The following GRB2 variants were observed in gnomAD, a reference collection of about 807,000 sequenced individuals.
The protein encoded by GRB2 is growth factor receptor-bound protein 2.
In GRB2, 2 loss-of-function variants were observed where a neutral mutation model predicts 27.4. That is an observed-to-expected ratio of 0.07 (90% CI 0.03 to 0.23). GRB2 has a LOEUF of 0.23. Ranked by LOEUF, GRB2 falls within the 10% of genes least tolerant of loss-of-function variation. The probability of loss-of-function intolerance (pLI) is 1.00; values close to 1 mark genes in which losing one functional copy is unlikely to be tolerated. For missense variants in GRB2, 102 were observed against 282.4 expected (o/e 0.36, Z 4.58); for synonymous variants, 94 against 99.6 (o/e 0.94, Z 0.33).
intron 2 of GRB2, among the ~76,000 whole-genome samples, chr17:75,361,656 G>T (rs1375390400): frequency 1.3e-5 from 2 of 152,130 alleles, no homozygotes; most frequent in East Asian, 3.8e-4. Context: ...ATTATGGAGT[G>T]GGGAGACGGT....
intron 4 of GRB2, among the ~76,000 whole-genome samples, chr17:75,324,029 C>G (rs2078478855): frequency 6.6e-6 from 1 of 151,528 alleles, no homozygotes. Flanking sequence ...TCAGGCTGGT[C>G]TCAAACTCCT....
intron 1 of GRB2, among the ~76,000 whole-genome samples, chr17:75,399,445 A>G (rs1364382111): frequency 7.6e-6 from 1 of 131,416 alleles, no homozygotes; most frequent in African/African-American, 3.0e-5. Flanking sequence ...TTGGCTCACC[A>G]CAACCTCTGT....
chr17:75,364,853 A>G (rs2078809368), intron 2 of GRB2, among the ~76,000 whole-genome samples: 1 of 151,872 alleles, frequency 6.6e-6, no homozygotes, highest in African/African-American at 2.4e-5. Context: ...AAACCCAGCC[A>G]AGCAGAAAAA....
At chr17:75,403,718 C>T (rs1165727889) in intron 1 of GRB2, among the ~76,000 whole-genome samples, 1 of 151,132 alleles carries the variant, frequency 6.6e-6, no homozygotes, top group East Asian at 1.9e-4. Context: ...GAGCCGAGAT[C>T]GCACCACTGC....
chr17:75,373,736 ACAGTACC>A (rs1223001186), intron 2 of GRB2: 1 of 151,468 alleles, frequency 6.6e-6, no homozygotes, highest in Non-Finnish European at 1.5e-5. Flanking sequence ...AGCACTAAAC[ACAGTACC>A]CTTTGCTTAG....
intron 3 of GRB2, among the ~76,000 whole-genome samples, chr17:75,326,816 C>T (rs1176408208): frequency 1.3e-5 from 2 of 152,166 alleles, no homozygotes; most frequent in African/African-American, 4.8e-5. Flanking sequence ...AGGAGAGGAA[C>T]ACTTCTACAA....
intron 2 of GRB2, among the ~76,000 whole-genome samples, chr17:75,367,809 C>T (rs1031348005): frequency 2.6e-5 from 4 of 152,152 alleles, no homozygotes; most frequent in African/African-American, 9.7e-5. Flanking sequence ...AATCCTCTGG[C>T]TAAACAGAAT....
intron 2 of GRB2, chr17:75,370,851 G>C (rs958900734): frequency 1.3e-5 from 2 of 152,212 alleles, no homozygotes; most frequent in African/African-American, 4.8e-5. Context: ...AACAAATTCA[G>C]GTGGGAAAGC....
chr17:75,373,562 C>T (rs2078869911), intron 2 of GRB2: 1 of 152,182 alleles, frequency 6.6e-6, no homozygotes, highest in African/African-American at 2.4e-5. Flanking sequence ...TCTGCATGGA[C>T]AAAGCAGTCC....
At chr17:75,397,762 A>C (rs777537061) in intron 1 of GRB2, among the ~76,000 whole-genome samples, 1 of 152,184 alleles carries the variant, frequency 6.6e-6, no homozygotes, top group Non-Finnish European at 1.5e-5. Context: ...TAGACAACAT[A>C]TATAACATAC....
At chr17:75,381,646 G>A (rs895480616) in intron 2 of GRB2, among the ~76,000 whole-genome samples, 10 of 150,348 alleles carry the variant, frequency 6.7e-5, no homozygotes, top group Non-Finnish European at 1.5e-4. Context: ...GCTTGAACCC[G>A]GGAGGCAGAG....
intron 2 of GRB2, among the ~76,000 whole-genome samples, chr17:75,374,880 A>G (rs2145857853): frequency 6.6e-6 from 1 of 152,250 alleles, no homozygotes; most frequent in Non-Finnish European, 1.5e-5. Flanking sequence ...ATTCAGATTC[A>G]TGCATTTAAA....
intron 2 of GRB2, among the ~76,000 whole-genome samples, chr17:75,355,098 G>A (rs920211692): frequency 2.0e-5 from 3 of 152,166 alleles, no homozygotes; most frequent in Non-Finnish European, 2.9e-5. Flanking sequence ...GTGAGCCACC[G>A]CGCCTGGCCA....
intron 2 of GRB2, among the ~76,000 whole-genome samples, chr17:75,366,689 A>G (rs2078822191): frequency 6.6e-6 from 1 of 152,088 alleles, no homozygotes; most frequent in African/African-American, 2.4e-5. Flanking sequence ...GCATGCCTGT[A>G]GTTTCAGCTA....
At chr17:75,376,387 G>A (rs1322320952) in intron 2 of GRB2, among the ~76,000 whole-genome samples, 1 of 150,500 alleles carries the variant, frequency 6.6e-6, no homozygotes, top group Non-Finnish European at 1.5e-5. Context: ...CCGACCTGGT[G>A]GCATGCTCCT....
intron 1 of GRB2, among the ~76,000 whole-genome samples, chr17:75,401,435 G>A (rs2079063203): frequency 8.5e-6 from 1 of 117,842 alleles, no homozygotes; most frequent in African/African-American, 3.1e-5. Flanking sequence ...CTGGGCGACA[G>A]AGCGAGACTC....
chr17:75,344,855 A>ACC (rs1180788469), intron 2 of GRB2, among the ~76,000 whole-genome samples: 15 of 144,236 alleles, frequency 1.0e-4, no homozygotes, highest in South Asian at 9.3e-4. Context: ...CCCCCTCCCA[A>ACC]CCCCCCCGCC....
At chr17:75,363,654 T>TC (rs2078800050) in intron 2 of GRB2, among the ~76,000 whole-genome samples, 1 of 151,140 alleles carries the variant, frequency 6.6e-6, no homozygotes, top group East Asian at 1.9e-4. Flanking sequence ...AGTCAAGAGA[T>TC]CGAGACCATC....
intron 2 of GRB2, chr17:75,371,171 A>G (rs1193713599): frequency 1.3e-5 from 2 of 152,210 alleles, no homozygotes; most frequent in Non-Finnish European, 2.9e-5. Flanking sequence ...AAAATAAAAA[A>G]TAACACTGAT....
Sources: allele counts gnomAD v4.1 joint callset (sites outside exome capture counted in the v4.1 genomes callset), GRCh38; gene constraint gnomAD v4.1.1; transcripts MANE v1.5; gene names NCBI Gene and HGNC (gene_info 2026-07-23, HGNC 2026-07-21).